Variants in ZFPM2 observed in about 807,000 individuals in gnomAD.
The protein encoded by ZFPM2 is zinc finger protein, FOG family member 2.
Under a neutral mutation model 98.6 loss-of-function variants are expected in ZFPM2, and 20 were observed. That is an observed-to-expected ratio of 0.20 (90% CI 0.14 to 0.29). ZFPM2 has a LOEUF of 0.29. ZFPM2 is among the 10% of genes least tolerant of loss of function. ZFPM2 has a pLI of 1.00. For synonymous variants in ZFPM2, 518 were observed against 502.7 expected, an observed-to-expected ratio of 1.03 and a Z score of -0.41; for missense variants, 1,310 against 1,388.6, an observed-to-expected ratio of 0.94 and a Z score of 0.90.
Position 105,614,093 on chromosome 8 carries a change from A to T in ZFPM2, c.421-20153A>T, listed in dbSNP as rs543207002. On this transcript the variant is annotated intron_variant, in intron 4 of 7. Transcript: ENST00000407775. ...CCACTTGCCATTAATTACCTTCAACACATCTCTTAGTTCTCTTACCCATTT... is the reference window on the plus strand; with the variant it reads ...CCACTTGCCATTAATTACCTTCAACTCATCTCTTAGTTCTCTTACCCATTT... 4.8e-4 allele frequency among the ~76,000 whole-genome samples: 73 copies of T among 152,278 alleles called. No homozygotes were observed. In the South Asian group the frequency reaches 5.2e-3, roughly 11 times the overall value.
chr8:105,423,674 A>G (rs889594369), intron 2 of ZFPM2, among the ~76,000 whole-genome samples: 2 of 152,208 alleles, frequency 1.3e-5, no homozygotes, highest in African/African-American at 4.8e-5. Context: ...TATGTGCCAG[A>G]CATGGAAGTA....
chr8:105,386,087 T>C (rs923295898), intron 1 of ZFPM2, among the ~76,000 whole-genome samples: 15 of 152,142 alleles, frequency 9.9e-5, no homozygotes, highest in African/African-American at 3.6e-4. Flanking sequence ...TGTTTTTCAA[T>C]AGGTGCTCAG....
intron 5 of ZFPM2, among the ~76,000 whole-genome samples, chr8:105,655,143 AC>A (rs1236524411): frequency 6.6e-6 from 1 of 151,918 alleles, no homozygotes; most frequent in Non-Finnish European, 1.5e-5. Context: ...TAATATTCAG[AC>A]CATGAGGAAA....
At chr8:105,786,414 C>T (rs1167670094) in intron 5 of ZFPM2, among the ~76,000 whole-genome samples, 1 of 152,124 alleles carries the variant, frequency 6.6e-6, no homozygotes, top group Non-Finnish European at 1.5e-5. Context: ...TAGCGCCCAG[C>T]CTAGCATGCA....
chr8:105,682,096 A>G (rs991308298), intron 5 of ZFPM2, among the ~76,000 whole-genome samples: 2 of 152,214 alleles, frequency 1.3e-5, no homozygotes, highest in Non-Finnish European at 2.9e-5. Context: ...GATTGAAATT[A>G]TAAGGGAATA....
At chr8:105,538,845 C>T (rs761391618) in intron 3 of ZFPM2, among the ~76,000 whole-genome samples, 1 of 152,008 alleles carries the variant, frequency 6.6e-6, no homozygotes, top group Non-Finnish European at 1.5e-5. Flanking sequence ...AACCCTGTCT[C>T]TACAAAACAT....
intron 1 of ZFPM2, among the ~76,000 whole-genome samples, chr8:105,372,337 C>T (rs1205866193): frequency 1.3e-5 from 2 of 151,986 alleles, no homozygotes; most frequent in Non-Finnish European, 1.5e-5. Flanking sequence ...CCACCGCGCC[C>T]GGCCTATTAT....
At chr8:105,430,025 A>G (rs540546049) in intron 2 of ZFPM2, among the ~76,000 whole-genome samples, 2 of 152,310 alleles carry the variant, frequency 1.3e-5, no homozygotes, top group South Asian at 2.1e-4. Flanking sequence ...GATAATTCAA[A>G]TAAATACTGG....
chr8:105,619,522 T>C (rs1279820750), intron 4 of ZFPM2, among the ~76,000 whole-genome samples: 1 of 152,090 alleles, frequency 6.6e-6, no homozygotes, highest in Admixed American at 6.6e-5. Flanking sequence ...AAAATGATTA[T>C]TTTATGATTT....
At chr8:105,716,558 A>G (rs556181637) in intron 5 of ZFPM2, among the ~76,000 whole-genome samples, 1 of 152,114 alleles carries the variant, frequency 6.6e-6, no homozygotes, top group African/African-American at 2.4e-5. Flanking sequence ...CCACAGTGCC[A>G]CTTGAATGTT....
chr8:105,785,714 G>A (rs989890726), intron 5 of ZFPM2, among the ~76,000 whole-genome samples: 4 of 147,016 alleles, frequency 2.7e-5, no homozygotes, highest in Non-Finnish European at 5.9e-5. Flanking sequence ...GACCAGCCTG[G>A]GCAACATAGT....
intron 3 of ZFPM2, among the ~76,000 whole-genome samples, chr8:105,459,461 CT>C (rs1027578620): frequency 2.3e-4 from 35 of 152,164 alleles, no homozygotes; most frequent in African/African-American, 8.4e-4. Flanking sequence ...AACTCCACTA[CT>C]TTCCCCCCAA....
At chr8:105,393,621 T>C (rs1202652397) in intron 1 of ZFPM2, among the ~76,000 whole-genome samples, 2 of 152,130 alleles carry the variant, frequency 1.3e-5, no homozygotes, top group Non-Finnish European at 2.9e-5. Context: ...CGTTCTGTTA[T>C]ATGAAAGTAA....
chr8:105,640,690 G>A (rs1221025021), intron 5 of ZFPM2, among the ~76,000 whole-genome samples: 3 of 151,912 alleles, frequency 2.0e-5, no homozygotes, highest in African/African-American at 7.2e-5. Flanking sequence ...GTAAAAGTCC[G>A]AACCATGTTC....
intron 1 of ZFPM2, among the ~76,000 whole-genome samples, chr8:105,329,221 A>G (rs1293289038): frequency 1.3e-5 from 2 of 151,856 alleles, no homozygotes; most frequent in African/African-American, 4.8e-5. Context: ...GGCTTTTGCG[A>G]TAGAAGATGG....
intron 1 of ZFPM2, among the ~76,000 whole-genome samples, chr8:105,321,914 A>G (rs1812033065): frequency 6.6e-6 from 1 of 152,176 alleles, no homozygotes; most frequent in Admixed American, 6.5e-5. Flanking sequence ...ATAGTCACTC[A>G]GTGCTCCTTG....
intron 5 of ZFPM2, among the ~76,000 whole-genome samples, chr8:105,685,573 C>CT (rs539599965): frequency 2.0e-5 from 3 of 151,730 alleles, no homozygotes; most frequent in Admixed American, 6.6e-5. Flanking sequence ...ACAAATTTGA[C>CT]TTTTTTTTCC....
intron 3 of ZFPM2, among the ~76,000 whole-genome samples, chr8:105,508,726 T>G (rs1813751835): frequency 6.6e-6 from 1 of 152,062 alleles, no homozygotes; most frequent in Non-Finnish European, 1.5e-5. Context: ...CATTTCATGC[T>G]TGATTTACTT....
At chr8:105,399,177 A>G (rs1811284541) in intron 1 of ZFPM2, among the ~76,000 whole-genome samples, 1 of 152,150 alleles carries the variant, frequency 6.6e-6, no homozygotes, top group Non-Finnish European at 1.5e-5. Flanking sequence ...CATGATATAG[A>G]TTTTGGACTT....
Sources: allele counts gnomAD v4.1 joint callset (sites outside exome capture counted in the v4.1 genomes callset), GRCh38; gene constraint gnomAD v4.1.1; transcripts MANE v1.5; gene names NCBI Gene and HGNC (gene_info 2026-07-23, HGNC 2026-07-21).